FITM2: variants seen among roughly 807,000 people sequenced by gnomAD.
FITM2 encodes acyl-coenzyme A diphosphatase FITM2.
FITM2 carries 16 observed loss-of-function variants against 23.3 expected under a neutral mutation model. The ratio of observed to expected loss-of-function variants is 0.69; its 90% CI spans 0.47 to 1.05. FITM2 has a LOEUF of 1.05. Ranked by LOEUF, FITM2 falls within the 50% of genes least tolerant of loss-of-function variation. The pLI is 0.00. For missense variants in FITM2, 273 were observed against 327.5 expected (o/e 0.83, Z 1.29); for synonymous variants, 132 against 142.0 (o/e 0.93, Z 0.50).
Position 44,311,014 on chromosome 20 carries a change from G to T in FITM2, c.135C>A (p.Pro45=), listed in dbSNP as rs988840253. 6 of 1,573,132 alleles carry T rather than the reference G, an allele frequency of 3.8e-6. No homozygotes were observed. In the Admixed American group the frequency reaches 9.3e-5, roughly 24 times the overall value. The change falls in exon 1 of 2, where the codon CCC becomes CCA. Residue 45 remains proline, a synonymous_variant. Transcript: ENST00000396825. ...GSLLKELSPL[P]ESYLSNKRNV... Reference sequence around the variant, plus strand: ...TGCGCTTGTTGCTGAGGTAGCTCTCGGGCAACGGGGACAACTCCTTGAGGA... The same window carrying T: ...TGCGCTTGTTGCTGAGGTAGCTCTCTGGCAACGGGGACAACTCCTTGAGGA...
At position 44,306,710 on chromosome 20, in the gene FITM2, C is replaced by G; in HGVS notation, c.704G>C (p.Gly235Ala). ...FGLLSWYGTYGFWYPKAFSPG... is the reference protein window; with the variant it reads ...FGLLSWYGTYAFWYPKAFSPG... ...GGAAAAGGCTTTCGGATACCAAAAC[C>G]CGTATGTCCCGTACCAGCTCAGCAA... The change falls in exon 2 of 2, where the codon GGG becomes GCG. Residue 235 changes from glycine (G) to alanine (A), a missense_variant. Physicochemically the swap from Gly to Ala is moderately conservative, Grantham distance 60 (BLOSUM62 0). Transcript: ENST00000396825. The G allele has an allele frequency of 6.2e-7, 1 of 1,614,094 alleles. No individual in the cohort carries two copies. Among genetic ancestry groups the G allele is most frequent in the South Asian group, 1.1e-5 (1 of 91,072 alleles).
chr20:44,306,712 G>A lies in FITM2; in HGVS notation c.702C>T (p.Tyr234=), dbSNP rs200794773. 94 of 1,613,930 alleles carry A rather than the reference G, an allele frequency of 5.8e-5. No homozygotes were observed. Among genetic ancestry groups the A allele is most frequent in the African/African-American group, 2.0e-4 (15 of 74,858 alleles). The change falls in exon 2 of 2, where the codon TAC becomes TAT. Residue 234 remains tyrosine (Y), a synonymous_variant. Coordinates refer to ENST00000396825, the MANE Select transcript of FITM2 (RefSeq NM_001080472.4). ...LFGLLSWYGT[Y]GFWYPKAFSP... The stretch of plus-strand genomic sequence containing the variant: ...AAAAGGCTTTCGGATACCAAAACCC[G>A]TATGTCCCGTACCAGCTCAGCAAAC...
At position 44,307,330 on chromosome 20, in the gene FITM2, G is replaced by A. The variant is rs568013226; in HGVS notation, c.174-90C>T. On this transcript the variant is annotated intron_variant, in intron 1 of 1. Coordinates refer to ENST00000396825, the MANE Select transcript of FITM2 (RefSeq NM_001080472.4). ...TCAGGTCTCTACACTGTCAGGGGAGGGAAAATGAGAAAACTGATCAAAGCT... is the reference window on the plus strand; with the variant it reads ...TCAGGTCTCTACACTGTCAGGGGAGAGAAAATGAGAAAACTGATCAAAGCT... 38 of 1,491,326 alleles carry A rather than the reference G, an allele frequency of 2.5e-5. 1 individual carries two copies. The South Asian group carries it at 3.4e-4, about 13-fold the overall frequency. 92.4% of individuals were successfully genotyped at this position (1,491,326 alleles called of 1,614,324 possible). A position where few individuals can be genotyped will look rare whatever the true frequency, so the allele number is the denominator to read the frequency against.
chr20:44,308,039 A>C (rs2062695609), intron 1 of FITM2, among the ~76,000 whole-genome samples: 1 of 149,886 alleles, frequency 6.7e-6, no homozygotes, highest in Admixed American at 6.7e-5. Flanking sequence ...GTGAGCCGAG[A>C]TTGTGCCACT....
In FITM2 at chr20:44,306,638, C is replaced by T. The variant is rs2062690311; in HGVS notation, c.776G>A (p.Ser259Asn). 2.5e-6 allele frequency: 4 copies of T among 1,613,198 alleles called. No homozygotes were observed. The East Asian group carries it at 8.9e-5, about 36-fold the overall frequency. ...TCTGTTACTCTTTTATTTCTTGTAA[C>T]TATCTTGCTTCAAATTCAAACTACA... Reference protein sequence around the residue: ...QSCSLNLKQDSYKK With the variant: ...QSCSLNLKQDNYKK The change falls in exon 2 of 2, where the codon AGT (serine) becomes AAT (asparagine). Residue 259 changes from serine to asparagine, a missense_variant. This residue lies in a region of FITM2 where 33 missense variants were observed against 26.3 expected (regional missense o/e 1.25). Coordinates refer to ENST00000396825, the MANE Select transcript of FITM2 (RefSeq NM_001080472.4).
In FITM2 at chr20:44,311,109, T is replaced by TC. The variant is rs1255226703; in HGVS notation, c.39dup (p.Thr14AspfsTer138). 7.4e-6 allele frequency: 12 copies of TC among 1,612,426 alleles called. No individual in the cohort carries two copies. The highest frequency in any genetic ancestry group is 1.0e-5 in the Non-Finnish European group (12 of 1,179,512). ...CGCCGCACGGCCGCCCGCACCAGCG[T>TC]CCCCCGCAACAACCACTCGCAGCGC... is the stretch of plus-strand genomic sequence containing the variant. On this transcript the variant is annotated frameshift_variant, in exon 1 of 2. Coordinates refer to ENST00000396825, the MANE Select transcript of FITM2 (RefSeq NM_001080472.4). LOFTEE classifies it high-confidence loss of function.
chr20:44,311,021 G>C lies in FITM2; in HGVS notation c.128C>G (p.Pro43Arg). Residue 43 changes from proline to arginine, a missense_variant, in exon 1 of 2, where the codon CCG (proline) becomes CGG (arginine). Pro to Arg is a moderately radical substitution (Grantham distance 103). This residue lies in a region of FITM2 where 123 missense variants were observed against 117.9 expected (regional missense o/e 1.04). Transcript: ENST00000396825. ...LAGSLLKELS[P>R]LPESYLSNKR... is the part of the protein sequence containing the mutation. ...GTTGCTGAGGTAGCTCTCGGGCAAC[G>C]GGGACAACTCCTTGAGGAGGGAGCC... 6.3e-7 allele frequency: 1 copy of C among 1,581,552 alleles called. No individual in the cohort carries two copies. Among genetic ancestry groups the C allele is most frequent in the South Asian group, 1.2e-5 (1 of 86,494 alleles).
At position 44,306,698 on chromosome 20, in the gene FITM2, G is replaced by A. The variant is rs376329526; in HGVS notation, c.716C>T (p.Pro239Leu). The A allele has an allele frequency of 2.6e-5, 42 of 1,613,920 alleles. No homozygotes were observed. The highest frequency in any genetic ancestry group is 1.6e-4 in the Middle Eastern group (1 of 6,084). Residue 239 changes from proline (P) to leucine (L), a missense_variant, in exon 2 of 2, where the codon CCG becomes CTG. By Grantham distance (98) the Pro-to-Leu change is moderately conservative. Around this residue, in one of 3 missense-constraint regions of FITM2, gnomAD observed 33 missense variants for 26.3 expected, o/e 1.25. Coordinates refer to ENST00000396825, the MANE Select transcript of FITM2 (RefSeq NM_001080472.4). ...SWYGTYGFWY[P>L]KAFSPGLPPQ... ...AGGAAGTCCTGGGGAAAAGGCTTTC[G>A]GATACCAAAACCCGTATGTCCCGTA...
rs2062681994 is a variant in FITM2 at position 44,303,437 on chromosome 20, T to C, written c.*3188A>G. On this transcript the variant is annotated 3_prime_UTR_variant, in exon 2 of 2. Coordinates refer to ENST00000396825, the MANE Select transcript of FITM2 (RefSeq NM_001080472.4). The stretch of plus-strand genomic sequence containing the variant: ...AAGGAAGAGGCAAGGGGGCTAAGCA[T>C]GGACAAGTGGCGGAAGCCTCATCGA... 1 of 152,144 alleles carries C rather than the reference T, an allele frequency of 6.6e-6. No homozygotes were observed. Among genetic ancestry groups the C allele is most frequent in the Non-Finnish European group, 1.5e-5 (1 of 68,028 alleles). The allele number at this position is 152,144 out of a possible 1,614,324, so 9.4% of individuals were successfully genotyped here.
Position 44,310,992 on chromosome 20 carries a change from G to A in FITM2, c.157C>T (p.Arg53Cys), listed in dbSNP as rs369629822. The change falls in exon 1 of 2, where the codon CGC becomes TGC. Residue 53 changes from arginine to cysteine, a missense_variant. Arg to Cys is a radical substitution (Grantham distance 180, BLOSUM62 -3). This residue lies in a region of FITM2 where 123 missense variants were observed against 117.9 expected (regional missense o/e 1.04). Coordinates refer to ENST00000396825, the MANE Select transcript of FITM2 (RefSeq NM_001080472.4). ...PLPESYLSNK[R>C]NVLNVYFVKV... The stretch of plus-strand genomic sequence containing the variant: ...TGCACTCACACGTTGAGGACGTTGC[G>A]CTTGTTGCTGAGGTAGCTCTCGGGC... 1 of 1,556,674 alleles carries A rather than the reference G, an allele frequency of 6.4e-7. No homozygotes were observed. Among genetic ancestry groups the A allele is most frequent in the Admixed American group, 1.9e-5 (1 of 51,540 alleles).
At position 44,306,678 on chromosome 20, in the gene FITM2, G is replaced by A. The variant is rs762517146; in HGVS notation, c.736C>T (p.Leu246Phe). 3 of 1,614,144 alleles carry A rather than the reference G, an allele frequency of 1.9e-6. No individual in the cohort carries two copies. The highest frequency in any genetic ancestry group is 2.2e-5 in the South Asian group (2 of 91,072). Residue 246 changes from leucine (L) to phenylalanine (F), a missense_variant, in exon 2 of 2, where the codon CTT (leucine) becomes TTT (phenylalanine). Around this residue, in one of 3 missense-constraint regions of FITM2, gnomAD observed 33 missense variants for 26.3 expected, o/e 1.25. Coordinates refer to ENST00000396825, the MANE Select transcript of FITM2 (RefSeq NM_001080472.4). ...TTCAAACTACAGCTCTGGGGAGGAA[G>A]TCCTGGGGAAAAGGCTTTCGGATAC... Reference protein sequence around the residue: ...FWYPKAFSPGLPPQSCSLNLK... With the variant: ...FWYPKAFSPGFPPQSCSLNLK...
At position 44,306,551 on chromosome 20, in the gene FITM2, C is replaced by T. The variant is rs1460919071; in HGVS notation, c.*74G>A. 3 of 1,549,288 alleles carry T rather than the reference C, an allele frequency of 1.9e-6. No individual in the cohort carries two copies. Among genetic ancestry groups the T allele is most frequent in the African/African-American group, 2.8e-5 (2 of 72,698 alleles). ...CTCTGAAGTAGGATCAATAATTTAG[C>T]CAAATAACTAAGCAAAATATATATT... On this transcript the variant is annotated 3_prime_UTR_variant, in exon 2 of 2. Transcript: ENST00000396825.
At chr20:44,310,269 C>T (rs1295950113) in intron 1 of FITM2, among the ~76,000 whole-genome samples, 1 of 152,094 alleles carries the variant, frequency 6.6e-6, no homozygotes, top group Non-Finnish European at 1.5e-5. Flanking sequence ...ACTTACTAAC[C>T]GGGAGTTTTG....
At position 44,306,433 on chromosome 20, in the gene FITM2, G is replaced by C; in HGVS notation, c.*192C>G. On this transcript the variant is annotated 3_prime_UTR_variant, in exon 2 of 2. Transcript: ENST00000396825. ...TGCCTAACTGGGAATGGTGGTGCTT[G>C]CAACACTGGTGATGTCGCCAAGAAT... 3.1e-6 allele frequency: 2 copies of C among 653,384 alleles called. No individual in the cohort carries two copies. The highest frequency in any genetic ancestry group is 4.9e-6 in the Non-Finnish European group (2 of 405,100). 40.5% of individuals were successfully genotyped at this position (653,384 alleles called of 1,614,324 possible).
chr20:44,308,941 C>T (rs1393480626), intron 1 of FITM2, among the ~76,000 whole-genome samples: 1 of 152,108 alleles, frequency 6.6e-6, no homozygotes, highest in Non-Finnish European at 1.5e-5. Flanking sequence ...CTTATTATAC[C>T]TCCTACCTCT....
chr20:44,311,094 C>A lies in FITM2; in HGVS notation c.55G>T (p.Ala19Ser). ...GCCCAGGGCAGGTAGCGCCGCACGG[C>A]CGCCCGCACCAGCGTCCCCCGCAAC... ...WLLRGTLVRA[A>S]VRRYLPWALV... Residue 19 changes from alanine (A) to serine (S), a missense_variant, in exon 1 of 2, where the codon GCC becomes TCC. By Grantham distance (99) the Ala-to-Ser change is moderately conservative. Around this residue, in one of 3 missense-constraint regions of FITM2, gnomAD observed 123 missense variants for 117.9 expected, o/e 1.04. Coordinates refer to ENST00000396825, the MANE Select transcript of FITM2 (RefSeq NM_001080472.4). The A allele has an allele frequency of 1.2e-6, 2 of 1,612,736 alleles. No homozygotes were observed. The highest frequency in any genetic ancestry group is 4.5e-5 in the East Asian group (2 of 44,828).
intron 1 of FITM2, among the ~76,000 whole-genome samples, chr20:44,309,788 A>G (rs1004337324): frequency 6.6e-5 from 10 of 152,140 alleles, no homozygotes; most frequent in African/African-American, 2.4e-4. Context: ...CAGCCAGGCC[A>G]CTTGGCTCCC....
At chr20:44,308,988 G>C (rs1301220738) in intron 1 of FITM2, among the ~76,000 whole-genome samples, 2 of 150,548 alleles carry the variant, frequency 1.3e-5, no homozygotes, top group African/African-American at 4.9e-5. Flanking sequence ...AACAGAGCTG[G>C]GGGGACCAAA....
intron 1 of FITM2, among the ~76,000 whole-genome samples, chr20:44,310,554 G>A (rs1240543713): frequency 6.6e-6 from 1 of 152,200 alleles, no homozygotes; most frequent in Non-Finnish European, 1.5e-5. Context: ...ATCTGACGCA[G>A]GGTGGGGTCT....
Sources: gnomAD v4.1 joint callset for allele counts (sites outside exome capture counted in the v4.1 genomes callset) on GRCh38, gnomAD v4.1.1 for gene constraint, gnomAD v4.1.1 regional missense constraint, MANE v1.5 for transcripts, NCBI Gene and HGNC (gene_info 2026-07-23, HGNC 2026-07-21) for gene names.